Variants in SOX5 observed in about 807,000 individuals in gnomAD.
SOX5 encodes SRY-box transcription factor 5.
SOX5 carries 9 observed loss-of-function variants against 92.0 expected under a neutral mutation model. That is an observed-to-expected ratio of 0.10 (90% CI 0.06 to 0.17). SOX5 has a LOEUF of 0.17. SOX5 is among the 10% of genes least tolerant of loss of function. The pLI is 1.00. For missense variants in SOX5, 642 were observed against 944.5 expected (o/e 0.68, Z 4.20); for synonymous variants, 344 against 336.3 (o/e 1.02, Z -0.25).
chr12:23,971,754 T>C (rs76535935), intron 4 of SOX5, among the ~76,000 whole-genome samples: 2 of 152,142 alleles, frequency 1.3e-5, no homozygotes, highest in East Asian at 1.9e-4. Context: ...CTTTGACCCT[T>C]CCCAAGTCTG....
At chr12:23,804,918 TATATATATATATATA>T (rs1567906674) in intron 3 of SOX5, among the ~76,000 whole-genome samples, 12 of 4,032 alleles carry the variant, frequency 3.0e-3, no homozygotes, top group African/African-American at 8.6e-3. Context: ...CATTGTTTTA[TATATATATATATATA>T]TATATATATA....
rs1160806881 is a variant in SOX5 at position 23,762,512 on chromosome 12, T to C, written c.482-6788A>G. 3 of 475,646 alleles carry C rather than the reference T, an allele frequency of 6.3e-6. No homozygotes were observed. The East Asian group carries it at 1.0e-4, about 16-fold the overall frequency. The allele number at this position is 475,646 out of a possible 1,614,324, so 29.5% of individuals were successfully genotyped here. A position where few individuals can be genotyped will look rare whatever the true frequency, so the allele number is the denominator to read the frequency against. ...TAAGCTTTATTTTTATATGTGATTGTCCTGAAGTGAATTAAACACTGGAAA... is the reference window on the plus strand; with the variant it reads ...TAAGCTTTATTTTTATATGTGATTGCCCTGAAGTGAATTAAACACTGGAAA... On this transcript the variant is annotated intron_variant, in intron 3 of 14. Transcript: ENST00000451604.
intron 2 of SOX5, among the ~76,000 whole-genome samples, chr12:23,893,243 C>T (rs1042422367): frequency 3.9e-5 from 6 of 151,974 alleles, no homozygotes; most frequent in East Asian, 3.9e-4. Flanking sequence ...GTCAGGGGAT[C>T]GAGACCATCC....
intron 3 of SOX5, among the ~76,000 whole-genome samples, chr12:23,814,626 G>A (rs917237890): frequency 1.3e-5 from 2 of 152,006 alleles, no homozygotes; most frequent in Non-Finnish European, 2.9e-5. Flanking sequence ...AGCATTTTTT[G>A]TTTCTGCTAT....
intron 3 of SOX5, among the ~76,000 whole-genome samples, chr12:23,782,437 A>G (rs1445626382): frequency 6.6e-6 from 1 of 152,184 alleles, no homozygotes; most frequent in African/African-American, 2.4e-5. Context: ...AATTTAACGT[A>G]ACCTTGTTTG....
At chr12:23,896,658 T>C (rs2097180424) in intron 1 of SOX5, among the ~76,000 whole-genome samples, 1 of 144,990 alleles carries the variant, frequency 6.9e-6, no homozygotes, top group Admixed American at 7.0e-5. Context: ...CTTTCCCTCA[T>C]CTCCCCAAAT....
At chr12:23,663,526 T>C (rs1482802068) in intron 7 of SOX5, among the ~76,000 whole-genome samples, 1 of 152,202 alleles carries the variant, frequency 6.6e-6, no homozygotes, top group African/African-American at 2.4e-5. Context: ...TGGGACTTAC[T>C]TCTGCAGTTG....
intron 2 of SOX5, among the ~76,000 whole-genome samples, chr12:24,278,875 CTT>C (rs11357779): frequency 0.17 from 23,290 of 141,010 alleles, 2,179 homozygotes; most frequent in Middle Eastern, 0.25. Context: ...ACAAACTCCA[CTT>C]TTTTTTTTTT....
At chr12:24,183,975 T>C (rs1955770586) in intron 4 of SOX5, among the ~76,000 whole-genome samples, 2 of 152,196 alleles carry the variant, frequency 1.3e-5, no homozygotes, top group South Asian at 4.1e-4. Flanking sequence ...TCATTACATA[T>C]TTTTGTTGTT....
chr12:23,657,260 C>T (rs2082426355), intron 7 of SOX5, among the ~76,000 whole-genome samples: 2 of 152,054 alleles, frequency 1.3e-5, no homozygotes, highest in South Asian at 4.1e-4. Context: ...ATAAGCGATG[C>T]TTAGATTATT....
intron 6 of SOX5, among the ~76,000 whole-genome samples, chr12:23,709,070 C>G (rs991750132): frequency 6.6e-6 from 1 of 151,852 alleles, no homozygotes; most frequent in Non-Finnish European, 1.5e-5. Flanking sequence ...TAGGGACAAA[C>G]AAAATGGGTT....
chr12:23,545,697 G>T (rs1942995501), intron 12 of SOX5, among the ~76,000 whole-genome samples: 1 of 151,996 alleles, frequency 6.6e-6, no homozygotes, highest in African/African-American at 2.4e-5. Context: ...TAAAAAATGA[G>T]CCAATAGAAA....
Position 24,466,232 on chromosome 12 carries a change from C to A in SOX5, c.-251+96097G>T, listed in dbSNP as rs536155806. ...TCTTCCTCTTCCTTCTTCCTTCTTT[C>A]TTCTTCTTTTCTTTCTTTTTTTTTT... On this transcript the variant is annotated intron_variant, in intron 1 of 4. Coordinates refer to the SOX5 transcript ENST00000446891. Among the ~76,000 whole-genome samples the A allele has an allele frequency of 5.3e-5, 8 of 151,892 alleles. No homozygotes were observed. The South Asian group carries it at 1.5e-3, about 28-fold the overall frequency.
intron 4 of SOX5, among the ~76,000 whole-genome samples, chr12:24,119,187 T>G (rs1948377762): frequency 6.6e-6 from 1 of 152,122 alleles, no homozygotes. Flanking sequence ...ATTAGAACAG[T>G]GAGTACAGTT....
intron 13 of SOX5, among the ~76,000 whole-genome samples, chr12:23,538,606 C>T (rs1460370604): frequency 6.6e-6 from 1 of 152,110 alleles, no homozygotes; most frequent in South Asian, 2.1e-4. Context: ...TGAACTAGAA[C>T]AACCGTTTTC....
intron 6 of SOX5, among the ~76,000 whole-genome samples, chr12:23,675,790 G>A (rs2085573229): frequency 6.6e-6 from 1 of 152,072 alleles, no homozygotes; most frequent in Non-Finnish European, 1.5e-5. Flanking sequence ...TGTGAACTAT[G>A]GGGTTAATGT....
At chr12:23,723,566 TTATATA>T (rs10679589) in intron 6 of SOX5, among the ~76,000 whole-genome samples, 6 of 144,678 alleles carry the variant, frequency 4.1e-5, no homozygotes, top group African/African-American at 1.5e-4. Context: ...AGGAGAAAAA[TTATATA>T]TATATATATA....
chr12:24,092,901 C>A (rs1479645308), intron 4 of SOX5, among the ~76,000 whole-genome samples: 1 of 152,118 alleles, frequency 6.6e-6, no homozygotes, highest in African/African-American at 2.4e-5. Context: ...TTCTCCTTGG[C>A]CTTTAACGCC....
intron 2 of SOX5, among the ~76,000 whole-genome samples, chr12:23,880,713 C>G (rs2096979167): frequency 6.6e-6 from 1 of 152,150 alleles, no homozygotes; most frequent in African/African-American, 2.4e-5. Flanking sequence ...TGGGCTATCC[C>G]CCTACCTGAC....
Sources: gnomAD v4.1 joint callset for allele counts (sites outside exome capture counted in the v4.1 genomes callset) on GRCh38, gnomAD v4.1.1 for gene constraint, MANE v1.5 for transcripts, NCBI Gene and HGNC (gene_info 2026-07-23, HGNC 2026-07-21) for gene names.